RBFOX1: variants seen among roughly 807,000 people sequenced by gnomAD.
The protein encoded by RBFOX1 is RNA binding fox-1 homolog 1, also known as RNA binding protein fox-1 homolog 1.
Under a neutral mutation model 57.7 loss-of-function variants are expected in RBFOX1, and 8 were observed. The ratio of observed to expected loss-of-function variants is 0.14; its 90% confidence interval spans 0.08 to 0.25. The LOEUF is 0.25. Among genes scored for constraint, RBFOX1 ranks in the 10% least tolerant of loss-of-function variants. The pLI is 1.00. For missense variants in RBFOX1, 611 were observed against 548.5 expected, an observed-to-expected ratio of 1.11 and a Z score of -1.14; for synonymous variants, 326 against 222.4, an observed-to-expected ratio of 1.47 and a Z score of -4.15.
intron 5 of RBFOX1, among the ~76,000 whole-genome samples, chr16:7,553,741 G>T (rs1035522173): frequency 1.3e-5 from 2 of 152,218 alleles, no homozygotes; most frequent in Admixed American, 6.5e-5. Flanking sequence ...AGCTGACTCA[G>T]TCCATATGTT....
intron 4 of RBFOX1, among the ~76,000 whole-genome samples, chr16:7,458,662 T>C (rs186682966): frequency 1.2e-4 from 18 of 152,266 alleles, no homozygotes; most frequent in African/African-American, 4.1e-4. Flanking sequence ...ACTATGTCTT[T>C]TGTCTAGAAT....
intron 2 of RBFOX1, among the ~76,000 whole-genome samples, chr16:6,432,712 G>A (rs1015686643): frequency 4.6e-5 from 7 of 152,012 alleles, no homozygotes; most frequent in Non-Finnish European, 1.0e-4. Context: ...GGGTGCAATG[G>A]CTTATGTCTG....
At chr16:7,376,669 G>A (rs1404420980) in intron 4 of RBFOX1, among the ~76,000 whole-genome samples, 2 of 152,074 alleles carry the variant, frequency 1.3e-5, no homozygotes, top group Admixed American at 1.3e-4. Context: ...GGTGCTTTTT[G>A]TTTTCATGGT....
At chr16:6,925,132 T>G (rs1206559956) in intron 3 of RBFOX1, among the ~76,000 whole-genome samples, 18 of 99,434 alleles carry the variant, frequency 1.8e-4, no homozygotes, top group African/African-American at 6.9e-4. Context: ...TTTTTTTTTT[T>G]TTTTTTTTTT....
chr16:5,854,997 A>G (rs1169746111), intron 3 of RBFOX1, among the ~76,000 whole-genome samples: 2 of 152,154 alleles, frequency 1.3e-5, no homozygotes, highest in African/African-American at 4.8e-5. Flanking sequence ...ACCTTTTCAT[A>G]AGCCTGTTGC....
intron 10 of RBFOX1, among the ~76,000 whole-genome samples, chr16:7,614,036 G>C (rs907373182): frequency 2.0e-5 from 3 of 152,174 alleles, no homozygotes; most frequent in Admixed American, 6.5e-5. Context: ...CTTCAAAGCA[G>C]CAAATATTCA....
At chr16:6,886,313 C>G (rs960084159) in intron 3 of RBFOX1, among the ~76,000 whole-genome samples, 1 of 151,828 alleles carries the variant, frequency 6.6e-6, no homozygotes, top group African/African-American at 2.4e-5. Flanking sequence ...CTGCCCACCT[C>G]GACCTCCCAA....
At chr16:7,257,980 T>C (rs377496835) in intron 4 of RBFOX1, among the ~76,000 whole-genome samples, 2 of 152,188 alleles carry the variant, frequency 1.3e-5, no homozygotes, top group South Asian at 4.1e-4. Context: ...AATGAAGGAA[T>C]TCTGTATCGA....
chr16:6,072,226 C>T (rs546058087), intron 1 of RBFOX1, among the ~76,000 whole-genome samples: 2 of 152,152 alleles, frequency 1.3e-5, no homozygotes, highest in Middle Eastern at 3.4e-3. Context: ...TGGGGTAAAA[C>T]CCACCCCCCC....
At chr16:6,617,125 G>A (rs1049725252) in intron 2 of RBFOX1, among the ~76,000 whole-genome samples, 1 of 152,044 alleles carries the variant, frequency 6.6e-6, no homozygotes, top group Non-Finnish European at 1.5e-5. Flanking sequence ...GAAGACGTAA[G>A]ACTTAAGTGG....
At chr16:6,971,930 C>T (rs533638383) in intron 3 of RBFOX1, among the ~76,000 whole-genome samples, 20 of 152,100 alleles carry the variant, frequency 1.3e-4, no homozygotes, top group African/African-American at 3.4e-4. Flanking sequence ...GGAACTGGAC[C>T]GACTTGAGAT....
chr16:7,587,451 G>C (rs2152895259), intron 7 of RBFOX1, 151 bp downstream of exon 7: 2 of 787,610 alleles, frequency 2.5e-6, no homozygotes, highest in African/African-American at 1.8e-5. Context: ...TTTTCAAAAT[G>C]GTGGGAAAGA....
At chr16:5,332,938 C>G (rs1482479514) in intron 1 of RBFOX1, among the ~76,000 whole-genome samples, 1 of 152,152 alleles carries the variant, frequency 6.6e-6, no homozygotes, top group Non-Finnish European at 1.5e-5. Flanking sequence ...GTAATCCCAG[C>G]ACTTTGGGAG....
chr16:5,903,421 G>T (rs1226527157), intron 4 of RBFOX1, among the ~76,000 whole-genome samples: 2 of 152,132 alleles, frequency 1.3e-5, no homozygotes, highest in Non-Finnish European at 2.9e-5. Context: ...CGGCTGGGCA[G>T]ATCCCTGTTT....
intron 3 of RBFOX1, among the ~76,000 whole-genome samples, chr16:5,811,409 C>T (rs2055426820): frequency 6.6e-6 from 1 of 151,430 alleles, no homozygotes; most frequent in South Asian, 2.1e-4. Flanking sequence ...TCTCAAAGTG[C>T]TGGGATTACA....
At chr16:6,512,119 G>GA (rs5815317) in intron 2 of RBFOX1, among the ~76,000 whole-genome samples, 1,937 of 139,342 alleles carry the variant, frequency 0.014, 39 homozygotes, top group African/African-American at 0.044. Flanking sequence ...CAAATAAAAT[G>GA]AAAAAAAAAA....
At chr16:7,250,494 G>C (rs543659038) in intron 4 of RBFOX1, among the ~76,000 whole-genome samples, 1 of 152,324 alleles carries the variant, frequency 6.6e-6, no homozygotes, top group African/African-American at 2.4e-5. Context: ...CTCAGCTGCT[G>C]TGATTACACT....
intron 3 of RBFOX1, among the ~76,000 whole-genome samples, chr16:6,854,907 T>C (rs889200765): frequency 4.6e-5 from 7 of 151,938 alleles, no homozygotes; most frequent in African/African-American, 1.2e-4. Flanking sequence ...GTGAATAATT[T>C]TTTTATTCTG....
At chr16:7,237,940 G>T (rs192715546) in intron 4 of RBFOX1, among the ~76,000 whole-genome samples, 6 of 152,320 alleles carry the variant, frequency 3.9e-5, no homozygotes, top group African/African-American at 1.4e-4. Flanking sequence ...GGAGATGGAG[G>T]TTACAGTGAG....
Sources: gnomAD v4.1 joint callset for allele counts (sites outside exome capture counted in the v4.1 genomes callset) on GRCh38, gnomAD v4.1.1 for gene constraint, MANE v1.5 for transcripts, NCBI Gene and HGNC (gene_info 2026-07-23, HGNC 2026-07-21) for gene names.